INSL6: variants seen among roughly 807,000 people sequenced by gnomAD.
INSL6 encodes the protein insulin-like peptide INSL6.
A neutral mutation model predicts 9.4 loss-of-function variants in INSL6; 16 were observed. That is an observed-to-expected ratio of 1.70 (90% CI 1.15 to 2.59). The LOEUF (loss-of-function observed/expected upper bound fraction) is 2.59. INSL6 is among the 30% of genes most tolerant of loss of function. The pLI is 0.00. For missense variants in INSL6, 391 were observed against 257.3 expected, an observed-to-expected ratio of 1.52 and a Z score of -3.56; for synonymous variants, 154 against 96.9, an observed-to-expected ratio of 1.59 and a Z score of -3.46.
chr9:5,097,563 A>G, the INSL6 span: 1 of 152,218 alleles, frequency 6.6e-6, no homozygotes, highest in African/African-American at 2.4e-5. Context: ...ACACAGACAC[A>G]TGAGCATACT....
At chr9:5,102,511 G>T in the INSL6 span, among the ~76,000 whole-genome samples, 1 of 152,100 alleles carries the variant, frequency 6.6e-6, no homozygotes, top group Non-Finnish European at 1.5e-5. Context: ...ACCAAGGCAG[G>T]CCAACATTCA....
At chr9:5,004,615 T>C in the INSL6 span, among the ~76,000 whole-genome samples, 1 of 152,158 alleles carries the variant, frequency 6.6e-6, no homozygotes, top group African/African-American at 2.4e-5. Context: ...TAGATATTGC[T>C]TTGACATATT....
At chr9:5,176,545 C>T (rs545515176) in intron 1 of INSL6, among the ~76,000 whole-genome samples, 1 of 151,558 alleles carries the variant, frequency 6.6e-6, no homozygotes, top group Non-Finnish European at 1.5e-5. Flanking sequence ...CAAAAGTATG[C>T]GAAAAGAAGA....
intron 2 of INSL6, chr9:5,133,736 G>A (rs1449448046): frequency 6.6e-6 from 1 of 152,022 alleles, no homozygotes; most frequent in African/African-American, 2.4e-5. Context: ...CTAAGATGGG[G>A]AGAAACCAGC....
intron 2 of INSL6, among the ~76,000 whole-genome samples, chr9:5,158,847 AT>A (rs1195131880): frequency 6.6e-6 from 1 of 152,174 alleles, no homozygotes; most frequent in Non-Finnish European, 1.5e-5. Flanking sequence ...CAGAAAAAAA[AT>A]AAAATATTAT....
chr9:5,060,118 T>C, the INSL6 span, among the ~76,000 whole-genome samples: 1 of 152,292 alleles, frequency 6.6e-6, no homozygotes, highest in Non-Finnish European at 1.5e-5. Flanking sequence ...TGCAACAGCA[T>C]TATGTCTTAA....
At chr9:5,013,862 A>G in the INSL6 span, among the ~76,000 whole-genome samples, 2 of 149,716 alleles carry the variant, frequency 1.3e-5, no homozygotes, top group Admixed American at 1.3e-4. Flanking sequence ...CGGAAATTTA[A>G]TTAAGTAATT....
At chr9:5,091,165 C>G in the INSL6 span, 1 of 289,556 alleles carries the variant, frequency 3.5e-6, no homozygotes. Flanking sequence ...AAAACTGTCT[C>G]CTATTTATTG....
In INSL6 at chr9:5,138,190, T is replaced by C. The variant is rs147395153; in HGVS notation, c.377-4598A>G. 4.4e-3 allele frequency among the ~76,000 whole-genome samples: 675 copies of C among 152,322 alleles called. 6 individuals are homozygous for C. Among genetic ancestry groups the C allele is most frequent in the African/African-American group, 0.016 (649 of 41,570 alleles). On this transcript the variant is annotated intron_variant, in intron 2 of 3. Transcript: ENST00000649639. ...ATAGTGTGGCTATTCCTCAAGGATC[T>C]AGAGTTAGAAATACCATTTGACCCT...
the INSL6 span, among the ~76,000 whole-genome samples, chr9:5,035,704 T>C: frequency 6.6e-6 from 1 of 152,258 alleles, no homozygotes; most frequent in East Asian, 1.9e-4. Flanking sequence ...AAACTCTCAA[T>C]AAATTAGGTA....
the INSL6 span, chr9:5,112,392 C>A: frequency 4.6e-6 from 2 of 433,784 alleles, no homozygotes; most frequent in East Asian, 9.7e-5. Context: ...GGAAATCAAG[C>A]GGGAGGAGGA....
At chr9:5,105,776 G>T in the INSL6 span, among the ~76,000 whole-genome samples, 1 of 152,138 alleles carries the variant, frequency 6.6e-6, no homozygotes. Flanking sequence ...ACAACCATCT[G>T]ATCTTTGACA....
At chr9:5,093,578 T>C in the INSL6 span, among the ~76,000 whole-genome samples, 3 of 152,260 alleles carry the variant, frequency 2.0e-5, no homozygotes, top group African/African-American at 2.4e-5. Context: ...AAAAAGCCTA[T>C]AGGCCTTAAC....
chr9:5,167,785 C>T (rs1825088238), intron 1 of INSL6, among the ~76,000 whole-genome samples: 1 of 152,194 alleles, frequency 6.6e-6, no homozygotes, highest in Non-Finnish European at 1.5e-5. Context: ...TCCTATTCCT[C>T]CAAACTGGGT....
the INSL6 span, chr9:5,090,644 G>A: frequency 6.0e-4 from 913 of 1,512,608 alleles, 7 homozygotes; most frequent in African/African-American, 0.011. Context: ...TCATCTAGAC[G>A]TTTTCATAGA....
At chr9:5,114,624 G>C in the INSL6 span, 577 of 484,794 alleles carry the variant, frequency 1.2e-3, 2 homozygotes, top group African/African-American at 0.011. Flanking sequence ...GCAGCTCCCG[G>C]ACACTTGGCA....
intron 2 of INSL6, among the ~76,000 whole-genome samples, chr9:5,138,531 A>G (rs887072130): frequency 2.0e-5 from 3 of 152,154 alleles, no homozygotes; most frequent in Non-Finnish European, 2.9e-5. Context: ...GAGTTGAACA[A>G]TAAGAACATA....
intron 1 of INSL6, among the ~76,000 whole-genome samples, chr9:5,166,637 T>C (rs913021411): frequency 1.3e-5 from 2 of 152,182 alleles, no homozygotes; most frequent in African/African-American, 2.4e-5. Flanking sequence ...AACCTAAGTG[T>C]ACCAACAATA....
chr9:5,081,949 A>T, the INSL6 span: 2 of 1,103,946 alleles, frequency 1.8e-6, no homozygotes, highest in Non-Finnish European at 1.3e-6. Flanking sequence ...TTTCTACAAC[A>T]TTTTAAGGAG....
Sources: gnomAD v4.1 joint callset for allele counts (sites outside exome capture counted in the v4.1 genomes callset) on GRCh38, gnomAD v4.1.1 for gene constraint, MANE v1.5 for transcripts, NCBI Gene and HGNC (gene_info 2026-07-23, HGNC 2026-07-21) for gene names.